Variants in PSD3 observed in about 807,000 individuals in gnomAD.
The protein encoded by PSD3 is pleckstrin and Sec7 domain containing 3, also known as PH and SEC7 domain-containing protein 3.
In PSD3, 49 loss-of-function variants were observed where a neutral mutation model predicts 105.5. The ratio of observed to expected loss-of-function variants is 0.46; its 90% CI spans 0.37 to 0.59. PSD3 has a LOEUF of 0.59. PSD3 is among the 20% of genes least tolerant of loss of function. The probability of loss-of-function intolerance (pLI) is 0.00; values close to 1 mark genes in which losing one functional copy is unlikely to be tolerated. For missense variants in PSD3, 1,561 were observed against 1,263.8 expected (o/e 1.24, Z -3.57); for synonymous variants, 557 against 457.8 (o/e 1.22, Z -2.77).
At chr8:18,817,794 C>T (rs767505534) in intron 4 of PSD3, among the ~76,000 whole-genome samples, 17 of 152,166 alleles carry the variant, frequency 1.1e-4, no homozygotes, top group Non-Finnish European at 1.8e-4. Flanking sequence ...TAATGCTTAT[C>T]CCTTATTGTT....
rs1486169045 is a variant in PSD3, at chr8:18,568,096, T to C, written c.2784+4432A>G. Among the ~76,000 whole-genome samples the C allele has an allele frequency of 2.0e-5, 3 of 152,154 alleles. No homozygotes were observed. In the East Asian group the frequency reaches 5.8e-4, roughly 29 times the overall value. On this transcript the variant is annotated intron_variant, in intron 14 of 15. Coordinates refer to ENST00000327040, the MANE Select transcript of PSD3 (RefSeq NM_015310.4). The stretch of plus-strand genomic sequence containing the variant: ...ATCATTTGATGCTTCCTGAGATTCT[T>C]ACCAGAAGCAGATGCTGATGCCATG...
At chr8:18,924,658 T>C (rs1227589348) in intron 2 of PSD3, 1 of 152,228 alleles carries the variant, frequency 6.6e-6, no homozygotes, top group Non-Finnish European at 1.5e-5. Context: ...TGAATAGGCA[T>C]GAGTAGGGGC....
chr8:18,623,073 A>G (rs1028602442), intron 11 of PSD3, among the ~76,000 whole-genome samples: 2 of 152,020 alleles, frequency 1.3e-5, no homozygotes, highest in African/African-American at 4.8e-5. Context: ...TTTTGTAGAG[A>G]CAGCTATAAC....
At chr8:18,625,632 T>A (rs1244755994) in intron 11 of PSD3, among the ~76,000 whole-genome samples, 2 of 152,146 alleles carry the variant, frequency 1.3e-5, no homozygotes, top group Non-Finnish European at 2.9e-5. Flanking sequence ...ATTTAAACAT[T>A]TCATAAGCAT....
rs765292268 is a variant in PSD3 at position 18,867,990 on chromosome 8, C to T, written c.1318G>A (p.Val440Met). 1.5e-5 allele frequency: 25 copies of T among 1,614,026 alleles called. No homozygotes were observed. The highest frequency in any genetic ancestry group is 1.3e-4 in the African/African-American group (10 of 74,918). The change falls in exon 4 of 16, where the codon GTG becomes ATG. Residue 440 changes from valine to methionine, a missense_variant. Coordinates refer to ENST00000327040, the MANE Select transcript of PSD3 (RefSeq NM_015310.4). Reference sequence around the variant, plus strand: ...ATGGTTTCAAACTGGGAGCTGTACACGTCGGTGGAGTCCTCCGTATATCCA... The same window carrying T: ...ATGGTTTCAAACTGGGAGCTGTACATGTCGGTGGAGTCCTCCGTATATCCA... ...GPGYTEDSTD[V>M]YSSQFETILD...
intron 11 of PSD3, among the ~76,000 whole-genome samples, chr8:18,609,044 T>TCATAATATGGATAGAAAGA (rs1279538444): frequency 9.9e-5 from 15 of 152,210 alleles, no homozygotes; most frequent in African/African-American, 2.7e-4. Flanking sequence ...GGATAGAAAG[T>TCATAATATGGATAGAAAGA]CATAATATGG....
At chr8:19,038,655 T>A (rs556857170) in intron 1 of PSD3, among the ~76,000 whole-genome samples, 32 of 152,202 alleles carry the variant, frequency 2.1e-4, no homozygotes, top group African/African-American at 6.7e-4. Flanking sequence ...AGAGACAGGG[T>A]CTCGCCATGT....
At chr8:18,796,198 T>C (rs1810161818) in intron 8 of PSD3, among the ~76,000 whole-genome samples, 1 of 152,176 alleles carries the variant, frequency 6.6e-6, no homozygotes, top group Non-Finnish European at 1.5e-5. Context: ...CTTCAGATTG[T>C]TTTTTATCTA....
At chr8:18,788,744 C>T (rs557728716) in intron 8 of PSD3, among the ~76,000 whole-genome samples, 1 of 152,200 alleles carries the variant, frequency 6.6e-6, no homozygotes, top group Admixed American at 6.5e-5. Context: ...ATGACAATTC[C>T]ACCTCCTCCA....
At chr8:18,970,945 C>T (rs1263506873) in intron 1 of PSD3, among the ~76,000 whole-genome samples, 1 of 150,936 alleles carries the variant, frequency 6.6e-6, no homozygotes, top group African/African-American at 2.4e-5. Context: ...CACCACTGCA[C>T]TCCACCCTAA....
intron 4 of PSD3, among the ~76,000 whole-genome samples, chr8:18,847,522 T>C (rs1352100292): frequency 6.6e-6 from 1 of 152,242 alleles, no homozygotes; most frequent in East Asian, 1.9e-4. Flanking sequence ...TTGTTTTCAA[T>C]TTGTTTTGAA....
chr8:18,954,248 G>A (rs1297879456), intron 1 of PSD3, among the ~76,000 whole-genome samples: 1 of 152,076 alleles, frequency 6.6e-6, no homozygotes, highest in East Asian at 1.9e-4. Context: ...CAAGATACCT[G>A]TGGCACAGTG....
chr8:18,671,693 G>A (rs574753610), intron 9 of PSD3, among the ~76,000 whole-genome samples: 4 of 151,608 alleles, frequency 2.6e-5, no homozygotes, highest in Admixed American at 2.0e-4. Flanking sequence ...AGGGCAGTGC[G>A]CGATCTCCGC....
intron 1 of PSD3, among the ~76,000 whole-genome samples, chr8:18,984,863 T>C (rs534676784): frequency 9.8e-4 from 150 of 152,342 alleles, no homozygotes; most frequent in Middle Eastern, 3.4e-3. Context: ...TTTCCCCTCA[T>C]AGATCCACCA....
At chr8:18,596,718 A>G (rs1372442615) in intron 12 of PSD3, among the ~76,000 whole-genome samples, 1 of 151,588 alleles carries the variant, frequency 6.6e-6, no homozygotes, top group Non-Finnish European at 1.5e-5. Flanking sequence ...ACAAATTGGG[A>G]AACCTAGAAG....
At chr8:18,673,981 A>T (rs1297505998) in intron 9 of PSD3, among the ~76,000 whole-genome samples, 1 of 152,078 alleles carries the variant, frequency 6.6e-6, no homozygotes, top group East Asian at 1.9e-4. Context: ...ATCTCTACAA[A>T]AAAATTAAAA....
At chr8:18,785,605 T>C (rs1809065669) in intron 8 of PSD3, among the ~76,000 whole-genome samples, 1 of 152,208 alleles carries the variant, frequency 6.6e-6, no homozygotes, top group Admixed American at 6.5e-5. Flanking sequence ...AATGGCACTT[T>C]TAATTTCCTT....
chr8:18,829,569 C>G (rs550566542), intron 4 of PSD3, among the ~76,000 whole-genome samples: 1 of 152,298 alleles, frequency 6.6e-6, no homozygotes, highest in Admixed American at 6.5e-5. Flanking sequence ...CCCTTGTACA[C>G]TATGTGGTCT....
At chr8:19,021,157 C>G (rs144159507) in intron 1 of PSD3, among the ~76,000 whole-genome samples, 5 of 152,136 alleles carry the variant, frequency 3.3e-5, no homozygotes, top group Non-Finnish European at 7.4e-5. Context: ...GAATCTGAAA[C>G]GAGCAGTCAG....
Sources: allele counts gnomAD v4.1 joint callset (sites outside exome capture counted in the v4.1 genomes callset), GRCh38; gene constraint gnomAD v4.1.1; transcripts MANE v1.5; gene names NCBI Gene and HGNC (gene_info 2026-07-23, HGNC 2026-07-21).